FHIT: variants seen among roughly 807,000 people sequenced by gnomAD.
The protein encoded by FHIT is fragile histidine triad diadenosine triphosphatase, also known as bis(5'-adenosyl)-triphosphatase.
A neutral mutation model predicts 17.9 loss-of-function variants in FHIT; 19 were observed. The observed-to-expected ratio is 1.06, with a 90% CI of 0.74 to 1.56. The LOEUF (loss-of-function observed/expected upper bound fraction) is 1.56, where lower values mean the gene tolerates loss of function less well. Ranked by LOEUF, FHIT falls within the 40% of genes most tolerant of loss-of-function variation. The pLI is 0.00. For synonymous variants in FHIT, 81 were observed against 69.7 expected (o/e 1.16, Z -0.81); for missense variants, 248 against 189.2 (o/e 1.31, Z -1.82).
At chr3:59,750,428 TAAGAGGAACAG>T (rs1700830475) in intron 9 of FHIT, 1 of 224,004 alleles carries the variant, frequency 4.5e-6, no homozygotes, top group Admixed American at 5.7e-5. Context: ...CTGGCCTTCA[TAAGAGGAACAG>T]AAAGAGGTTT....
chr3:60,130,796 C>CATATATATGTGTGTGTGTGTGTAT (rs1699524295), intron 5 of FHIT, among the ~76,000 whole-genome samples: 1 of 132,862 alleles, frequency 7.5e-6, no homozygotes, highest in Non-Finnish European at 1.6e-5. Flanking sequence ...TGTGTATATA[C>CATATATATGTGTGTGTGTGTGTAT]ACACATATAT....
At chr3:60,848,947 T>C (rs1188058508) in intron 3 of FHIT, among the ~76,000 whole-genome samples, 16 of 152,080 alleles carry the variant, frequency 1.1e-4, no homozygotes, top group Non-Finnish European at 1.9e-4. Flanking sequence ...GGGACAAACA[T>C]AGATTTGAAA....
chr3:59,789,010 A>T (rs1442599567), intron 8 of FHIT, among the ~76,000 whole-genome samples: 2 of 151,988 alleles, frequency 1.3e-5, no homozygotes, highest in South Asian at 2.1e-4. Context: ...CGCTAAGAAG[A>T]ATAGTGATAT....
In FHIT at chr3:60,873,138, G is replaced by GGAGA. The variant is rs71287128; in HGVS notation, c.-110-51131_-110-51128dup. On this transcript the variant is annotated intron_variant, in intron 3 of 9. Transcript: ENST00000492590. ...GAACAAGGCAGGGAGAGAGGGAGAG[G>GGAGA]GAGAGAGAGAGAGAGAGAGAGAGTG... is the stretch of plus-strand genomic sequence containing the variant. Among the ~76,000 whole-genome samples the GGAGA allele has an allele frequency of 8.6e-3, 1,272 of 147,116 alleles. 20 individuals carry two copies. The highest frequency in any genetic ancestry group is 0.027 in the African/African-American group (1,067 of 40,166).
intron 7 of FHIT, among the ~76,000 whole-genome samples, chr3:59,992,821 A>G (rs551356931): frequency 2.1e-4 from 32 of 152,070 alleles, no homozygotes; most frequent in Admixed American, 5.9e-4. Flanking sequence ...ACACCCTCGC[A>G]ACAGTGTCAG....
chr3:60,716,929 C>T (rs2041698065), intron 4 of FHIT, among the ~76,000 whole-genome samples: 1 of 152,126 alleles, frequency 6.6e-6, no homozygotes, highest in South Asian at 2.1e-4. Context: ...TGTTAAGTGG[C>T]ACATGACTGT....
At chr3:61,183,927 G>C (rs1225195200) in intron 2 of FHIT, among the ~76,000 whole-genome samples, 1 of 151,788 alleles carries the variant, frequency 6.6e-6, no homozygotes, top group Admixed American at 6.6e-5. Flanking sequence ...AATGTATCCT[G>C]GGTTGGTGAT....
chr3:60,449,583 T>A lies in FHIT; in HGVS notation c.103+87277A>T, dbSNP rs147665924. 3.6e-3 allele frequency among the ~76,000 whole-genome samples: 549 copies of A among 152,224 alleles called. 7 individuals carry two copies. Among genetic ancestry groups the A allele is most frequent in the African/African-American group, 0.012 (490 of 41,544 alleles). ...CAGCCTACTACATACCCAGGCTATA[T>A]GGTATAGCCTATTGCTCCTCCTAGA... is the stretch of plus-strand genomic sequence containing the variant. On this transcript the variant is annotated intron_variant, in intron 5 of 9. Transcript: ENST00000492590.
At chr3:60,180,059 CCACA>C (rs1701857812) in intron 5 of FHIT, among the ~76,000 whole-genome samples, 1 of 152,204 alleles carries the variant, frequency 6.6e-6, no homozygotes, top group East Asian at 1.9e-4. Flanking sequence ...ACAGCTGTAA[CCACA>C]CAAACTGGGA....
chr3:60,937,767 T>A (rs1708255021), intron 3 of FHIT, among the ~76,000 whole-genome samples: 1 of 152,056 alleles, frequency 6.6e-6, no homozygotes, highest in Non-Finnish European at 1.5e-5. Flanking sequence ...TTTCACCACA[T>A]TGTTCAGGCT....
chr3:60,249,732 G>T (rs573943106), intron 5 of FHIT, among the ~76,000 whole-genome samples: 11 of 94,446 alleles, frequency 1.2e-4, no homozygotes, highest in African/African-American at 6.4e-4. Flanking sequence ...GGGAGAAGGG[G>T]GAAGGAAAAA....
At chr3:60,996,277 G>A (rs758139852) in intron 3 of FHIT, among the ~76,000 whole-genome samples, 9 of 152,164 alleles carry the variant, frequency 5.9e-5, no homozygotes, top group Non-Finnish European at 1.0e-4. Flanking sequence ...CCAAAGCCCG[G>A]ATGCAAAATG....
chr3:59,860,687 A>G (rs1702367281), intron 8 of FHIT, among the ~76,000 whole-genome samples: 1 of 152,208 alleles, frequency 6.6e-6, no homozygotes, highest in Non-Finnish European at 1.5e-5. Context: ...TTTATTATGA[A>G]AAGTGAGATA....
intron 3 of FHIT, among the ~76,000 whole-genome samples, chr3:61,004,866 T>C (rs1359861303): frequency 1.3e-5 from 2 of 152,222 alleles, no homozygotes; most frequent in East Asian, 3.8e-4. Context: ...AAGCACATTA[T>C]GCACTCAAAC....
At chr3:59,925,700 T>C (rs558535240) in intron 7 of FHIT, among the ~76,000 whole-genome samples, 55 of 152,236 alleles carry the variant, frequency 3.6e-4, no homozygotes, top group African/African-American at 1.2e-3. Context: ...AAACCGTAAA[T>C]AGCTCACTGT....
intron 5 of FHIT, among the ~76,000 whole-genome samples, chr3:60,307,925 A>C (rs1018153080): frequency 2.6e-5 from 4 of 152,140 alleles, no homozygotes; most frequent in African/African-American, 9.7e-5. Context: ...TGCTGACAGT[A>C]GCCAACATTT....
At chr3:59,823,604 T>C (rs1175879245) in intron 8 of FHIT, among the ~76,000 whole-genome samples, 2 of 151,948 alleles carry the variant, frequency 1.3e-5, no homozygotes, top group Non-Finnish European at 2.9e-5. Flanking sequence ...AATCACATGA[T>C]CATCTCAAAA....
intron 8 of FHIT, among the ~76,000 whole-genome samples, chr3:59,786,370 T>G (rs1455648456): frequency 6.6e-6 from 1 of 152,232 alleles, no homozygotes; most frequent in Admixed American, 6.5e-5. Flanking sequence ...TCTTTCTTTC[T>G]ACCTGGAGCT....
At chr3:59,758,298 A>T (rs1428957916) in intron 8 of FHIT, among the ~76,000 whole-genome samples, 1 of 152,242 alleles carries the variant, frequency 6.6e-6, no homozygotes, top group East Asian at 1.9e-4. Context: ...AACTAATTAC[A>T]GCACTGTTCC....
Sources: allele counts gnomAD v4.1 joint callset (sites outside exome capture counted in the v4.1 genomes callset), GRCh38; gene constraint gnomAD v4.1.1; transcripts MANE v1.5; gene names NCBI Gene and HGNC (gene_info 2026-07-23, HGNC 2026-07-21).